Variants in GTF2IRD2B observed in about 807,000 individuals in gnomAD.
The protein encoded by GTF2IRD2B is GTF2I repeat domain containing 2B.
In GTF2IRD2B, 10 loss-of-function variants were observed where a neutral mutation model predicts 55.6. That is an observed-to-expected ratio of 0.18 (90% CI 0.11 to 0.31). GTF2IRD2B has a LOEUF of 0.31. Among genes scored for constraint, GTF2IRD2B ranks in the 10% least tolerant of loss-of-function variants. The pLI, the probability that GTF2IRD2B is intolerant of heterozygous loss-of-function variation, is 1.00. For missense variants in GTF2IRD2B, 206 were observed against 802.7 expected, an observed-to-expected ratio of 0.26 and a Z score of 8.98; for synonymous variants, 107 against 320.5, an observed-to-expected ratio of 0.33 and a Z score of 7.12.
At chr7:75,092,889 C>T (rs1366876994) in intron 1 of GTF2IRD2B, 124 bp downstream of exon 1, 2 of 152,258 alleles carry the variant, frequency 1.3e-5, no homozygotes, top group African/African-American at 4.8e-5. Flanking sequence ...GGGAGGTGGC[C>T]CCCCGGGACA....
chr7:75,126,737 C>T (rs1199523139), intron 8 of GTF2IRD2B, among the ~76,000 whole-genome samples: 17 of 149,428 alleles, frequency 1.1e-4, no homozygotes, highest in East Asian at 2.0e-4. Flanking sequence ...TGGATCACGC[C>T]TGTAATCCCA....
intron 8 of GTF2IRD2B, among the ~76,000 whole-genome samples, chr7:75,127,439 G>A (rs1227327686): frequency 1.4e-5 from 2 of 139,700 alleles, no homozygotes; most frequent in African/African-American, 5.3e-5. Context: ...ACTGCACTCC[G>A]GCCTGGGTGA....
chr7:75,102,250 C>T (rs2115680349), intron 1 of GTF2IRD2B, among the ~76,000 whole-genome samples: 1 of 151,510 alleles, frequency 6.6e-6, no homozygotes, highest in African/African-American at 2.4e-5. Context: ...ATCCGTCCGC[C>T]TCGGCCTCCC....
At chr7:75,102,090 C>T (rs1554449594) in intron 1 of GTF2IRD2B, among the ~76,000 whole-genome samples, 1 of 150,792 alleles carries the variant, frequency 6.6e-6, no homozygotes, top group Non-Finnish European at 1.5e-5. Flanking sequence ...GCAACCTCCG[C>T]CTCCCGGGTT....
In GTF2IRD2B at chr7:75,112,620, C is replaced by A. The variant is rs1342937681; in HGVS notation, c.238+85C>A. On this transcript the variant is annotated intron_variant, in intron 3 of 15. Transcript: ENST00000472837. Reference sequence around the variant, plus strand: ...TCCACAGTATTTTCTTCTAAGCTATCATAAGCATTCTCCTAGAAACGATCC... The same window carrying A: ...TCCACAGTATTTTCTTCTAAGCTATAATAAGCATTCTCCTAGAAACGATCC... 6.9e-5 allele frequency: 85 copies of A among 1,227,504 alleles called. 3 individuals carry two copies. Among genetic ancestry groups the A allele is most frequent in the Non-Finnish European group, 7.7e-5 (66 of 858,924 alleles). The allele number at this position is 1,227,504 out of a possible 1,614,324, so 76.0% of individuals were successfully genotyped here. A position where few individuals can be genotyped will look rare whatever the true frequency, so the allele number is the denominator to read the frequency against.
rs1438566759 is a variant in GTF2IRD2B at position 75,112,667 on chromosome 7, G to C, written c.238+132G>C. ...ATCCTAACACATCTTCTTGGATTCA[G>C]CTTACCAAATAAATACTGCCTAACA... On this transcript the variant is annotated intron_variant, in intron 3 of 15. Transcript: ENST00000472837. The C allele has an allele frequency of 1.3e-6, 2 of 1,589,904 alleles. 1 individual carries two copies. The highest frequency in any genetic ancestry group is 2.8e-5 in the African/African-American group (2 of 70,808).
intron 8 of GTF2IRD2B, among the ~76,000 whole-genome samples, chr7:75,130,502 C>T (rs1808639400): frequency 6.6e-6 from 1 of 150,614 alleles, no homozygotes; most frequent in South Asian, 2.1e-4. Context: ...TTTCTTGAGA[C>T]AGAGTCTCGC....
At chr7:75,134,142 C>T (rs1308419954) in intron 9 of GTF2IRD2B, among the ~76,000 whole-genome samples, 1 of 133,134 alleles carries the variant, frequency 7.5e-6, no homozygotes, top group Non-Finnish European at 1.5e-5. Flanking sequence ...AATCCCAGCA[C>T]TTTGGGAGGC....
chr7:75,115,189 G>A (rs1465929002), intron 3 of GTF2IRD2B, among the ~76,000 whole-genome samples: 2 of 134,948 alleles, frequency 1.5e-5, no homozygotes, highest in Non-Finnish European at 3.1e-5. Context: ...CTCCTGTCTT[G>A]GCCTCCCAAG....
chr7:75,115,774 A>G (rs199590945), intron 3 of GTF2IRD2B, among the ~76,000 whole-genome samples: 416 of 130,130 alleles, frequency 3.2e-3, no homozygotes, highest in African/African-American at 6.8e-3. Flanking sequence ...TGTACGAGAA[A>G]TGCCCTTGAG....
rs1554454653 is a variant in GTF2IRD2B, at chr7:75,148,905, C to T, written c.2458C>T (p.Leu820=). Residue 820 remains leucine, a synonymous_variant, in exon 16 of 16, where the codon CTG becomes TTG. Coordinates refer to ENST00000472837, the MANE Select transcript of GTF2IRD2B (RefSeq NM_001003795.3). ...GGTTTCCAGAAATGAAAGCGATGGC[C>T]TGAACTACATTCCCAAAATCGCGGA... The part of the protein sequence containing the change: ...KLVSRNESDG[L]NYIPKIAELK... 1 of 1,590,852 alleles carries T rather than the reference C, an allele frequency of 6.3e-7. No homozygotes were observed. The highest frequency in any genetic ancestry group is 2.2e-5 in the East Asian group (1 of 44,774).
intron 9 of GTF2IRD2B, among the ~76,000 whole-genome samples, chr7:75,134,176 C>T (rs2115821644): frequency 1.5e-5 from 2 of 131,400 alleles, no homozygotes; most frequent in South Asian, 4.5e-4. Flanking sequence ...TGACTTGAGC[C>T]CAGGAGTTCA....
At chr7:75,147,391 C>T (rs1239227804) in intron 15 of GTF2IRD2B, among the ~76,000 whole-genome samples, 5 of 151,886 alleles carry the variant, frequency 3.3e-5, no homozygotes, top group African/African-American at 1.2e-4. Flanking sequence ...CGAGATTGCG[C>T]CACTGCACTG....
intron 4 of GTF2IRD2B, 141 bp from the exon 5 acceptor site, chr7:75,122,995 A>G: frequency 3.0e-6 from 4 of 1,317,266 alleles, no homozygotes; most frequent in Non-Finnish European, 4.2e-6. Context: ...GGTTGCAGCG[A>G]GCCGAGATCT....
At chr7:75,101,322 C>T (rs1469794216) in intron 1 of GTF2IRD2B, among the ~76,000 whole-genome samples, 4 of 151,218 alleles carry the variant, frequency 2.6e-5, no homozygotes, top group Admixed American at 6.6e-5. Flanking sequence ...GTAATCCCAA[C>T]ACTCTGGGAG....
intron 8 of GTF2IRD2B, among the ~76,000 whole-genome samples, chr7:75,130,291 T>C (rs1172841963): frequency 7.3e-5 from 4 of 55,154 alleles, no homozygotes; most frequent in Non-Finnish European, 1.5e-4. Flanking sequence ...GATTCTCCTG[T>C]CTCAGCCTCC....
At chr7:75,113,749 A>G (rs1384959778) in intron 3 of GTF2IRD2B, among the ~76,000 whole-genome samples, 2 of 147,752 alleles carry the variant, frequency 1.4e-5, no homozygotes, top group Non-Finnish European at 3.0e-5. Flanking sequence ...ATGAAAGGAT[A>G]AAAATCAGAA....
In GTF2IRD2B at chr7:75,107,361, G is replaced by A. The variant is rs1216901139; in HGVS notation, c.-5-1599G>A. ...GAGGCTGAGGTGGGCGGATCACGAG[G>A]TCAGGAGATCGAGACCATCCTGGCT... On this transcript the variant is annotated intron_variant, in intron 1 of 15. Coordinates refer to ENST00000472837, the MANE Select transcript of GTF2IRD2B (RefSeq NM_001003795.3). 4.6e-5 allele frequency among the ~76,000 whole-genome samples: 7 copies of A among 151,414 alleles called. 1 individual carries two copies. The highest frequency in any genetic ancestry group is 7.4e-5 in the Non-Finnish European group (5 of 67,706).
At position 75,123,177 on chromosome 7, in the gene GTF2IRD2B, G is replaced by A. The variant is rs1554452148; in HGVS notation, c.400G>A (p.Glu134Lys). ...AACAGTGATGGTGCCTGTTCCCTAT[G>A]AGAAGATGCTGCGAGACCAGTCGGC... ...GTTVMVPVPY[E>K]KMLRDQSAVV... is the part of the protein sequence containing the mutation. Residue 134 changes from glutamate (E) to lysine (K), a missense_variant, in exon 5 of 16, where the codon GAG becomes AAG. Glu to Lys is a moderately conservative substitution (Grantham distance 56, BLOSUM62 1). Coordinates refer to ENST00000472837, the MANE Select transcript of GTF2IRD2B (RefSeq NM_001003795.3). 5 of 1,537,792 alleles carry A rather than the reference G, an allele frequency of 3.3e-6. No individual in the cohort carries two copies. The Admixed American group carries it at 1.1e-4, about 33-fold the overall frequency.
Sources: allele counts gnomAD v4.1 joint callset (sites outside exome capture counted in the v4.1 genomes callset), GRCh38; gene constraint gnomAD v4.1.1; transcripts MANE v1.5; gene names NCBI Gene and HGNC (gene_info 2026-07-23, HGNC 2026-07-21).